Variants in DMD observed in about 807,000 individuals in gnomAD.
The protein encoded by DMD is dystrophin.
Under a neutral mutation model 330.1 loss-of-function variants are expected in DMD, and 63 were observed. The observed-to-expected ratio is 0.19, with a 90% CI of 0.16 to 0.24. The LOEUF is 0.24. DMD is among the 10% of genes least tolerant of loss of function. The pLI, the probability that DMD is intolerant of heterozygous loss-of-function variation, is 1.00. For missense variants in DMD, 3,344 were observed against 2,684.1 expected, an observed-to-expected ratio of 1.25 and a Z score of -5.43; for synonymous variants, 1,223 against 959.8, an observed-to-expected ratio of 1.27 and a Z score of -5.07.
chrX:33,129,592 C>T (rs1446457236), intron 1 of DMD, among the ~76,000 whole-genome samples: 1 of 108,034 alleles, frequency 9.3e-6, no homozygotes. Flanking sequence ...ATGGACCGTG[C>T]TGGCAGTAAG....
intron 7 of DMD, among the ~76,000 whole-genome samples, chrX:32,777,282 G>A (rs112710562): frequency 1.8e-5 from 1 of 54,132 alleles, no homozygotes; most frequent in African/African-American, 6.4e-5. Context: ...CTGGTTGGGG[G>A]GGGAATCCTA....
intron 60 of DMD, among the ~76,000 whole-genome samples, chrX:31,366,253 T>C (rs1276239753): frequency 9.1e-6 from 1 of 109,674 alleles, no homozygotes; most frequent in Non-Finnish European, 1.9e-5. Context: ...AGAGCTGGCA[T>C]AGGTCGTGGA....
rs192112805 is a variant in DMD, at chrX:32,216,854, G to T, written c.6438+62C>A. 11 of 1,052,131 alleles carry T rather than the reference G, an allele frequency of 1.0e-5. No individual in the cohort carries two copies. In the East Asian group the frequency reaches 3.4e-4, roughly 33 times the overall value. The allele number at this position is 1,052,131 out of a possible 1,213,427, so 86.7% of individuals were successfully genotyped here. A position where few individuals can be genotyped will look rare whatever the true frequency, so the allele number is the denominator to read the frequency against. On this transcript the variant is annotated intron_variant, in intron 44 of 78. Coordinates refer to ENST00000357033, the MANE Select transcript of DMD (RefSeq NM_004006.3). The stretch of plus-strand genomic sequence containing the variant: ...CCCTTCAGAACCTGATCTTTAAGAA[G>T]TTAAAGAGTCCAGATGTGCTGAAGA...
At chrX:33,105,902 C>G (rs2095282680) in intron 1 of DMD, among the ~76,000 whole-genome samples, 1 of 111,465 alleles carries the variant, frequency 9.0e-6, no homozygotes, top group South Asian at 3.7e-4. Flanking sequence ...CCATTCAATC[C>G]ACGAATCCTA....
At chrX:31,513,754 T>G (rs2071896465) in intron 55 of DMD, among the ~76,000 whole-genome samples, 1 of 111,575 alleles carries the variant, frequency 9.0e-6, no homozygotes, top group South Asian at 3.8e-4. Context: ...ACAACATACA[T>G]GAACCTTACT....
intron 52 of DMD, among the ~76,000 whole-genome samples, chrX:31,709,465 T>C (rs760573264): frequency 1.8e-5 from 2 of 111,199 alleles, no homozygotes; most frequent in Non-Finnish European, 3.8e-5. Flanking sequence ...ACCATTTTAA[T>C]TTAATCTAGA....
intron 51 of DMD, among the ~76,000 whole-genome samples, chrX:31,753,420 A>C (rs1255103558): frequency 9.0e-6 from 1 of 111,581 alleles, no homozygotes; most frequent in Non-Finnish European, 1.9e-5. Flanking sequence ...AAGATTATCA[A>C]TCCTCCCTTT....
intron 55 of DMD, among the ~76,000 whole-genome samples, chrX:31,622,008 A>T (rs1464367877): frequency 8.9e-6 from 1 of 111,750 alleles, no homozygotes; most frequent in Non-Finnish European, 1.9e-5. Context: ...TTCAGTTGGT[A>T]TCTATTGTGG....
intron 47 of DMD, among the ~76,000 whole-genome samples, chrX:31,887,417 T>C (rs760551057): frequency 8.9e-6 from 1 of 112,018 alleles, no homozygotes; most frequent in Non-Finnish European, 1.9e-5. Flanking sequence ...TAAAAAATGG[T>C]TCTTAACAAT....
chrX:32,299,768 C>A (rs1486388015), intron 42 of DMD, among the ~76,000 whole-genome samples: 1 of 110,831 alleles, frequency 9.0e-6, no homozygotes, highest in Non-Finnish European at 1.9e-5. Context: ...GATGACCATA[C>A]AAGTTACTCT....
chrX:32,740,517 AC>A (rs2069115900), intron 7 of DMD, among the ~76,000 whole-genome samples: 1 of 111,341 alleles, frequency 9.0e-6, no homozygotes, highest in Non-Finnish European at 1.9e-5. Context: ...GTTAATGACC[AC>A]CAACATATTA....
chrX:32,383,635 G>C (rs890508845), intron 33 of DMD, among the ~76,000 whole-genome samples: 9 of 110,374 alleles, frequency 8.2e-5, no homozygotes, highest in African/African-American at 2.9e-4. Context: ...GCTGTATTCT[G>C]TGATACTATT....
intron 1 of DMD, among the ~76,000 whole-genome samples, chrX:33,154,785 T>C (rs946509302): frequency 2.7e-5 from 3 of 111,932 alleles, no homozygotes; most frequent in Admixed American, 1.9e-4. Context: ...TTTCAGAATA[T>C]GGTCAAAGGC....
intron 18 of DMD, among the ~76,000 whole-genome samples, 179 bp from the exon 19 acceptor site, chrX:32,502,021 G>C (rs113653591): frequency 5.4e-5 from 6 of 111,837 alleles, no homozygotes; most frequent in African/African-American, 1.9e-4. Flanking sequence ...GGCAATAAAA[G>C]CATGAGCCAT....
At chrX:31,166,353 G>A (rs757479866) in intron 74 of DMD, among the ~76,000 whole-genome samples, 37 of 111,284 alleles carry the variant, frequency 3.3e-4, no homozygotes, top group Non-Finnish European at 6.2e-4. Flanking sequence ...ATCTAGTCAG[G>A]AATGGGGCTC....
At chrX:32,921,733 A>C (rs2088430308) in intron 2 of DMD, among the ~76,000 whole-genome samples, 1 of 111,532 alleles carries the variant, frequency 9.0e-6, no homozygotes, top group South Asian at 3.8e-4. Context: ...GCAATTAACT[A>C]GGTAATTGGA....
chrX:31,949,590 G>A (rs766697710), intron 45 of DMD, among the ~76,000 whole-genome samples: 1 of 111,180 alleles, frequency 9.0e-6, no homozygotes, highest in Admixed American at 9.6e-5. Flanking sequence ...AATAAAGAGA[G>A]TTTCATTTCT....
intron 7 of DMD, among the ~76,000 whole-genome samples, chrX:32,788,314 G>T (rs768181032): frequency 3.6e-5 from 4 of 111,699 alleles, no homozygotes; most frequent in African/African-American, 1.3e-4. Context: ...GACAACAATG[G>T]TATTAAATAT....
chrX:33,212,292 T>C (rs1157363740), upstream of DMD, among the ~76,000 whole-genome samples: 2 of 112,197 alleles, frequency 1.8e-5, no homozygotes, highest in East Asian at 5.6e-4. Flanking sequence ...TTTTTAGACA[T>C]TGAGTTAATG....
Sources: gnomAD v4.1 joint callset for allele counts (sites outside exome capture counted in the v4.1 genomes callset) on GRCh38, gnomAD v4.1.1 for gene constraint, MANE v1.5 for transcripts, NCBI Gene and HGNC (gene_info 2026-07-23, HGNC 2026-07-21) for gene names.